BRSK1: variants seen among roughly 807,000 people sequenced by gnomAD.
The protein encoded by BRSK1 is serine/threonine-protein kinase BRSK1.
In BRSK1, 17 loss-of-function variants were observed where a neutral mutation model predicts 86.2. The ratio of observed to expected loss-of-function variants is 0.20; its 90% CI spans 0.14 to 0.30. The LOEUF (loss-of-function observed/expected upper bound fraction) is 0.30, where lower values mean the gene tolerates loss of function less well. Ranked by LOEUF, BRSK1 falls within the 10% of genes least tolerant of loss-of-function variation. The pLI is 1.00. For missense variants in BRSK1, 719 were observed against 1,071.9 expected, an observed-to-expected ratio of 0.67 and a Z score of 4.60; for synonymous variants, 464 against 440.1, an observed-to-expected ratio of 1.05 and a Z score of -0.68.
intron 7 of BRSK1, among the ~76,000 whole-genome samples, chr19:55,296,186 C>G (rs2088484347): frequency 2.6e-5 from 4 of 152,090 alleles, no homozygotes; most frequent in Admixed American, 2.6e-4. Flanking sequence ...CTGTGGTAGG[C>G]TCCCTTCTTC....
Position 55,308,743 on chromosome 19 carries a change from C to T in BRSK1, c.2179+15C>T, listed in dbSNP as rs747815936. On this transcript the variant is annotated intron_variant, in intron 18 of 18. Coordinates refer to ENST00000309383, the MANE Select transcript of BRSK1 (RefSeq NM_032430.2). Reference sequence around the variant, plus strand: ...GGCCCTGGCAGGTGGGTGGTGGGGCCGTGGGTGGTGGGGGGCGTGGGTGGC... The same window carrying T: ...GGCCCTGGCAGGTGGGTGGTGGGGCTGTGGGTGGTGGGGGGCGTGGGTGGC... The T allele has an allele frequency of 4.0e-5, 42 of 1,058,602 alleles. 1 individual carries two copies. The highest frequency in any genetic ancestry group is 2.8e-4 in the Admixed American group (12 of 42,560). 65.6% of individuals were successfully genotyped at this position (1,058,602 alleles called of 1,614,324 possible). A position where few individuals can be genotyped will look rare whatever the true frequency, so the allele number is the denominator to read the frequency against.
chr19:55,306,405 A>G lies in BRSK1; in HGVS notation c.2044A>G (p.Ser682Gly). 1 of 1,613,872 alleles carries G rather than the reference A, an allele frequency of 6.2e-7. No homozygotes were observed. The highest frequency in any genetic ancestry group is 8.5e-7 in the Non-Finnish European group (1 of 1,180,016). Residue 682 changes from serine to glycine, a missense_variant, in exon 17 of 19, where the codon AGC becomes GGC. Transcript: ENST00000309383. The surrounding 1 kb of genome is among the most constrained non-coding windows in gnomAD (Gnocchi z 4.7). The part of the protein sequence containing the change: ...GPEPSPRRDG[S>G]GGGGIYSVTF... ...AGAGCCCTCCCCGCGACGGGACGGC[A>G]GCGGAGGTGGTGGCATCTACTCCGT...
In BRSK1 at chr19:55,288,346, C is replaced by T. The variant is rs538205975; in HGVS notation, c.317+1047C>T. 1.7e-4 allele frequency among the ~76,000 whole-genome samples: 26 copies of T among 151,896 alleles called. No individual in the cohort carries two copies. The East Asian group carries it at 4.9e-3, about 29-fold the overall frequency. The stretch of plus-strand genomic sequence containing the variant: ...CAAAAATTAGCTGAGTGTGGTGGTA[C>T]ACCTGTAGTCCTACCTACTTGGGAG... On this transcript the variant is annotated intron_variant, in intron 3 of 18. Coordinates refer to ENST00000309383, the MANE Select transcript of BRSK1 (RefSeq NM_032430.2).
At chr19:55,311,785 G>A (rs1013663065) in intron 18 of BRSK1, 126 bp from the exon 19 acceptor site, 1 of 976,262 alleles carries the variant, frequency 1.0e-6, no homozygotes, top group African/African-American at 1.7e-5. Context: ...GCCTTATCAG[G>A]GATTGGAGCT....
At chr19:55,285,310 G>A (rs1407984628) in intron 1 of BRSK1, among the ~76,000 whole-genome samples, 1 of 151,996 alleles carries the variant, frequency 6.6e-6, no homozygotes, top group Admixed American at 6.5e-5. Flanking sequence ...AACCTTGAGT[G>A]TTGGGACAGG....
chr19:55,306,120 C>T lies in BRSK1; in HGVS notation c.1891-132C>T, dbSNP rs1052324354. 1.3e-5 allele frequency: 11 copies of T among 839,948 alleles called. No homozygotes were observed. The highest frequency in any genetic ancestry group is 1.8e-5 in the Non-Finnish European group (10 of 540,806). The allele number at this position is 839,948 out of a possible 1,614,324, so 52.0% of individuals were successfully genotyped here. On this transcript the variant is annotated intron_variant, in intron 16 of 18. Coordinates refer to ENST00000309383, the MANE Select transcript of BRSK1 (RefSeq NM_032430.2). This position sits in a 1 kb window ranked among gnomAD's most constrained non-coding sequence, Gnocchi z 4.7. ...TACAAGTCCTTGCAGGCAGTGGGGC[C>T]TCCCAATGCATTTCCTGTCCTTCTT...
chr19:55,303,953 T>G lies in BRSK1; in HGVS notation c.1287-97T>G. The G allele has an allele frequency of 6.6e-7, 1 of 1,512,814 alleles. No homozygotes were observed. Among genetic ancestry groups the G allele is most frequent in the East Asian group, 2.3e-5 (1 of 43,002 alleles). The allele number at this position is 1,512,814 out of a possible 1,614,324, so 93.7% of individuals were successfully genotyped here. On this transcript the variant is annotated intron_variant, in intron 12 of 18. Transcript: ENST00000309383. The surrounding 1 kb of genome is among the most constrained non-coding windows in gnomAD (Gnocchi z 5.1). ...ATTCACCTCCCCTCTCTGGGCCTCA[T>G]TTCCTCACCTGGAAGGACTGTAGAA...
rs2088753637 is a variant in BRSK1, at chr19:55,310,229, CAG to C, written c.2179+1502_2179+1503del. On this transcript the variant is annotated intron_variant, in intron 18 of 18. Transcript: ENST00000309383. This position sits in a 1 kb window ranked among gnomAD's most constrained non-coding sequence, Gnocchi z 5.0. The stretch of plus-strand genomic sequence containing the variant: ...GTCCCACATGGTCTCTGCAGGCTAA[CAG>C]GGTGCCTGGAGGGCTGCACCTGGAG... Among the ~76,000 whole-genome samples the C allele has an allele frequency of 6.6e-6, 1 of 152,188 alleles. No individual in the cohort carries two copies. Among genetic ancestry groups the C allele is most frequent in the South Asian group, 2.1e-4 (1 of 4,836 alleles).
At chr19:55,305,291 T>C (rs1568988131) in intron 14 of BRSK1, 30 bp from the exon 15 acceptor site, 1 of 1,613,290 alleles carries the variant, frequency 6.2e-7, no homozygotes, top group Non-Finnish European at 8.5e-7. Flanking sequence ...GCACAGGTGT[T>C]GACCACGTTC....
chr19:55,295,191 C>T (rs527272448), intron 7 of BRSK1, among the ~76,000 whole-genome samples: 3 of 152,106 alleles, frequency 2.0e-5, no homozygotes, highest in Admixed American at 6.6e-5. Flanking sequence ...GGCGCCATCA[C>T]GGCTCACTGC....
At position 55,286,113 on chromosome 19, in the gene BRSK1, C is replaced by T. The variant is rs1291014338; in HGVS notation, c.137-894C>T. ...AGTGCTGGGTCTGAGGGAGGAGGGG[C>T]TGGGGGCCTGGAGTGCTGGGTCTGA... On this transcript the variant is annotated intron_variant, in intron 1 of 18. Transcript: ENST00000309383. Among the ~76,000 whole-genome samples the T allele has an allele frequency of 1.5e-4, 4 of 26,086 alleles. 1 individual carries two copies. Among genetic ancestry groups the T allele is most frequent in the Non-Finnish European group, 2.1e-4 (3 of 14,436 alleles). The allele number at this position is 26,086 out of a possible 152,430, so 17.1% of individuals were successfully genotyped here.
In BRSK1 at chr19:55,311,987, C is replaced by G; in HGVS notation, c.2256C>G (p.Asp752Glu). 6.3e-7 allele frequency: 1 copy of G among 1,576,202 alleles called. No homozygotes were observed. The stretch of plus-strand genomic sequence containing the variant: ...TGCAGCCCCCACCCGGCCGCCCAGA[C>G]CCAGAGCTGAGCAGCTCTCCCCGCC... ...RSLQPPPGRP[D>E]PELSSSPRRG... Residue 752 changes from aspartate to glutamate, a missense_variant, in exon 19 of 19, where the codon GAC (aspartate) becomes GAG (glutamate). Asp to Glu is a conservative substitution (Grantham distance 45). Transcript: ENST00000309383.
intron 17 of BRSK1, among the ~76,000 whole-genome samples, chr19:55,307,243 T>C (rs2088665103): frequency 6.6e-6 from 1 of 152,216 alleles, no homozygotes; most frequent in Admixed American, 6.5e-5. Flanking sequence ...ATTATGACTC[T>C]TTATTTTTCT....
At chr19:55,299,398 T>A (rs1273354411) in intron 7 of BRSK1, among the ~76,000 whole-genome samples, 1 of 149,168 alleles carries the variant, frequency 6.7e-6, no homozygotes, top group Non-Finnish European at 1.5e-5. Context: ...GTTTTTTGTT[T>A]TTTTTGAGAT....
chr19:55,307,782 AC>A (rs2088680164), intron 17 of BRSK1, among the ~76,000 whole-genome samples: 2 of 132,282 alleles, frequency 1.5e-5, no homozygotes, highest in Non-Finnish European at 3.2e-5. Context: ...ACACACACAC[AC>A]ACACAATTTA....
Position 55,301,599 on chromosome 19 carries a change from C to G in BRSK1, c.766C>G (p.Pro256Ala). The G allele has an allele frequency of 6.2e-7, 1 of 1,613,314 alleles. No individual in the cohort carries two copies. Among genetic ancestry groups the G allele is most frequent in the South Asian group, 1.1e-5 (1 of 90,846 alleles). Reference sequence around the variant, plus strand: ...CTTCCACATGCCCCACTTCATTCCTCCAGATTGCCAGAGCCTCCTGAGGGG... The same window carrying G: ...CTTCCACATGCCCCACTTCATTCCTGCAGATTGCCAGAGCCTCCTGAGGGG... ...GVFHMPHFIP[P>A]DCQSLLRGMI... Residue 256 changes from proline to alanine, a missense_variant, in exon 8 of 19, where the codon CCA becomes GCA. Physicochemically the swap from Pro to Ala is conservative, Grantham distance 27. This residue lies in a region of BRSK1 where 75 missense variants were observed against 281.0 expected (regional missense o/e 0.27). Transcript: ENST00000309383.
rs1231582790 is a variant in BRSK1 at position 55,303,608 on chromosome 19, C to T, written c.1127-59C>T. On this transcript the variant is annotated intron_variant, in intron 11 of 18. Coordinates refer to ENST00000309383, the MANE Select transcript of BRSK1 (RefSeq NM_032430.2). The surrounding 1 kb of genome is among the most constrained non-coding windows in gnomAD (Gnocchi z 5.1). ...TTCCCCATGTGTGCAGTTTCTGAGG[C>T]AGTTGTACACAGCTGGGTGAAACCA... 2 of 1,551,204 alleles carry T rather than the reference C, an allele frequency of 1.3e-6. No homozygotes were observed. Among genetic ancestry groups the T allele is most frequent in the Non-Finnish European group, 1.7e-6 (2 of 1,146,030 alleles).
Position 55,303,151 on chromosome 19 carries a change from C to T in BRSK1, c.1029-160C>T. 1.5e-6 allele frequency: 1 copy of T among 658,164 alleles called. No individual in the cohort carries two copies. The highest frequency in any genetic ancestry group is 1.9e-5 in the South Asian group (1 of 51,306). The allele number at this position is 658,164 out of a possible 1,614,324, so 40.8% of individuals were successfully genotyped here. ...GTTATTATAATTGAGTGAAACACAG[C>T]TGAGATGTACCCTAAACCAGAGAAA... On this transcript the variant is annotated intron_variant, in intron 10 of 18. Transcript: ENST00000309383. This position sits in a 1 kb window ranked among gnomAD's most constrained non-coding sequence, Gnocchi z 5.1.
At chr19:55,308,516 G>T in intron 17 of BRSK1, 123 bp from the exon 18 acceptor site, 2 of 720,742 alleles carry the variant, frequency 2.8e-6, no homozygotes, top group South Asian at 1.4e-5. Flanking sequence ...CAGCGGAGCA[G>T]GGGAGACGGA....
Sources: allele counts gnomAD v4.1 joint callset (sites outside exome capture counted in the v4.1 genomes callset), GRCh38; gene constraint gnomAD v4.1.1; regional missense constraint gnomAD v4.1.1; non-coding constraint Gnocchi (gnomAD v3.1); transcripts MANE v1.5; gene names NCBI Gene and HGNC (gene_info 2026-07-23, HGNC 2026-07-21).